The following PIK3C2G variants were observed in gnomAD, a reference collection of about 807,000 sequenced individuals.
PIK3C2G encodes the protein phosphatidylinositol-4-phosphate 3-kinase catalytic subunit type 2 gamma, also known as phosphatidylinositol 3-kinase C2 domain-containing subunit gamma.
In PIK3C2G, 168 loss-of-function variants were observed where a neutral mutation model predicts 181.1. The ratio of observed to expected loss-of-function variants is 0.93; its 90% confidence interval spans 0.82 to 1.05. The LOEUF is 1.05. PIK3C2G is among the 50% of genes least tolerant of loss of function. The pLI is 0.00. For synonymous variants in PIK3C2G, 573 were observed against 592.2 expected, an observed-to-expected ratio of 0.97 and a Z score of 0.47; for missense variants, 1,869 against 1,732.8, an observed-to-expected ratio of 1.08 and a Z score of -1.40.
intron 24 of PIK3C2G, among the ~76,000 whole-genome samples, chr12:18,527,593 CT>C (rs1807147703): frequency 6.6e-6 from 1 of 152,066 alleles, no homozygotes; most frequent in Non-Finnish European, 1.5e-5. Context: ...TAGACTACTT[CT>C]GTTTCAAGTA....
chr12:18,320,857 A>G (rs1951078546), intron 6 of PIK3C2G, 105 bp from the exon 7 acceptor site: 2 of 676,558 alleles, frequency 3.0e-6, no homozygotes, highest in Non-Finnish European at 2.6e-6. Context: ...AATGAGGTTT[A>G]TCAAAATAGG....
chr12:18,293,868 T>C (rs755813469), intron 4 of PIK3C2G, 33 bp from the exon 5 acceptor site: 3 of 1,060,930 alleles, frequency 2.8e-6, no homozygotes, highest in African/African-American at 1.6e-5. Flanking sequence ...TGATACACTT[T>C]TATTGACTTT....
intron 1 of PIK3C2G, among the ~76,000 whole-genome samples, chr12:18,278,214 A>C (rs1949066622): frequency 6.6e-6 from 1 of 152,186 alleles, no homozygotes; most frequent in Admixed American, 6.5e-5. Context: ...CACTGTACTA[A>C]GATCAAGATT....
chr12:18,332,654 T>C (rs1938098593), intron 8 of PIK3C2G, among the ~76,000 whole-genome samples: 1 of 152,108 alleles, frequency 6.6e-6, no homozygotes, highest in East Asian at 1.9e-4. Flanking sequence ...GAGCTTCTCA[T>C]CTATGTCCTA....
rs142995636 is a variant in PIK3C2G at position 18,380,322 on chromosome 12, G to T, written c.1881-1444G>T. Among the ~76,000 whole-genome samples the T allele has an allele frequency of 5.6e-3, 846 of 152,204 alleles. 6 individuals are homozygous for T. Among genetic ancestry groups the T allele is most frequent in the African/African-American group, 0.02 (814 of 41,522 alleles). The stretch of plus-strand genomic sequence containing the variant: ...CACATCCTCCTCCCTCCTCACCTCT[G>T]TTGACTCTGTCCCATGCACAGAAAC... On this transcript the variant is annotated intron_variant, in intron 13 of 32. Transcript: ENST00000538779.
At chr12:18,523,626 G>A (rs1943050523) in intron 24 of PIK3C2G, among the ~76,000 whole-genome samples, 1 of 152,188 alleles carries the variant, frequency 6.6e-6, no homozygotes. Context: ...ATGGGTAACT[G>A]CTAATCTGCA....
intron 14 of PIK3C2G, among the ~76,000 whole-genome samples, chr12:18,385,677 T>C (rs1165958092): frequency 2.0e-5 from 3 of 152,076 alleles, no homozygotes; most frequent in Admixed American, 6.6e-5. Flanking sequence ...CAAGCAATTC[T>C]CCTGCCTCAG....
Position 18,635,301 on chromosome 12 carries a change from A to G in PIK3C2G, c.4183-5128A>G, listed in dbSNP as rs527282734. Among the ~76,000 whole-genome samples the G allele has an allele frequency of 2.6e-5, 4 of 152,320 alleles. No individual in the cohort carries two copies. The South Asian group carries it at 8.3e-4, about 32-fold the overall frequency. On this transcript the variant is annotated intron_variant, in intron 31 of 32. Coordinates refer to ENST00000538779, the MANE Select transcript of PIK3C2G (RefSeq NM_001288772.2). The stretch of plus-strand genomic sequence containing the variant: ...AGTCAGTGCAGCAGCAATGGAAACC[A>G]TGGGAACTTGGGCCACTTCTTCATG...
intron 29 of PIK3C2G, among the ~76,000 whole-genome samples, chr12:18,571,358 G>T (rs2136376195): frequency 6.6e-6 from 1 of 150,740 alleles, no homozygotes; most frequent in African/African-American, 2.5e-5. Flanking sequence ...GCACCCTGTA[G>T]TTGTGAGATG....
At chr12:18,413,241 T>A (rs1287701370) in intron 16 of PIK3C2G, among the ~76,000 whole-genome samples, 1 of 152,166 alleles carries the variant, frequency 6.6e-6, no homozygotes, top group East Asian at 1.9e-4. Flanking sequence ...AGAGACTCAA[T>A]TGTTAGCTCA....
chr12:18,335,932 A>AT lies in PIK3C2G; in HGVS notation c.1273-2492dup, dbSNP rs1156548959. The stretch of plus-strand genomic sequence containing the variant: ...ACCTAGTGACCCAAGTCAACCCAGT[A>AT]TTAGTATTTCAATTAGTGATGTTTA... On this transcript the variant is annotated intron_variant, in intron 8 of 32. Coordinates refer to ENST00000538779, the MANE Select transcript of PIK3C2G (RefSeq NM_001288772.2). Among the ~76,000 whole-genome samples, 7 of 152,276 alleles carry AT rather than the reference A, an allele frequency of 4.6e-5. No individual in the cohort carries two copies. In the South Asian group the frequency reaches 1.5e-3, roughly 32 times the overall value.
In PIK3C2G at chr12:18,365,258, C is replaced by G. The variant is rs755810952; in HGVS notation, c.1748+2372C>G. Among the ~76,000 whole-genome samples, 16 of 152,282 alleles carry G rather than the reference C, an allele frequency of 1.1e-4. No homozygotes were observed. The Middle Eastern group carries it at 0.01, about 97-fold the overall frequency. Reference sequence around the variant, plus strand: ...GTATTTACATCCCATGAATAGTATTCAAGTTTTAACTTAAGAAATAAAATA... The same window carrying G: ...GTATTTACATCCCATGAATAGTATTGAAGTTTTAACTTAAGAAATAAAATA... On this transcript the variant is annotated intron_variant, in intron 12 of 32. Transcript: ENST00000538779.
At chr12:18,701,314 TAAGAA>T in the PIK3C2G span, among the ~76,000 whole-genome samples, 1 of 152,172 alleles carries the variant, frequency 6.6e-6, no homozygotes, top group East Asian at 1.9e-4. Context: ...GCAGCTAACA[TAAGAA>T]AAGAGGCAAT....
At chr12:18,340,111 G>T (rs747653506) in intron 9 of PIK3C2G, among the ~76,000 whole-genome samples, 2 of 151,922 alleles carry the variant, frequency 1.3e-5, no homozygotes, top group Admixed American at 6.6e-5. Flanking sequence ...TAACAACAAG[G>T]TAAAACAATC....
intron 5 of PIK3C2G, among the ~76,000 whole-genome samples, chr12:18,309,879 T>C (rs1950569051): frequency 6.6e-6 from 1 of 151,778 alleles, no homozygotes; most frequent in Non-Finnish European, 1.5e-5. Flanking sequence ...GCCCACGCAC[T>C]TTTGCTTCTG....
intron 31 of PIK3C2G, among the ~76,000 whole-genome samples, chr12:18,639,706 G>A (rs1166379698): frequency 6.6e-6 from 1 of 152,112 alleles, no homozygotes; most frequent in Non-Finnish European, 1.5e-5. Context: ...GTGGAAACAA[G>A]TTCTGAAGCC....
chr12:18,696,023 T>A, the PIK3C2G span: 1 of 578,748 alleles, frequency 1.7e-6, no homozygotes, highest in South Asian at 1.8e-5. Flanking sequence ...CATTAGTGCC[T>A]GACCCCAAAG....
intron 18 of PIK3C2G, among the ~76,000 whole-genome samples, chr12:18,434,916 TG>T (rs1205314917): frequency 2.6e-5 from 4 of 152,028 alleles, no homozygotes; most frequent in Non-Finnish European, 4.4e-5. Flanking sequence ...CCTCTAAAAA[TG>T]TCTTTGACTT....
Position 18,321,180 on chromosome 12 carries a change from A to G in PIK3C2G, c.1208+148A>G, listed in dbSNP as rs1951092753. On this transcript the variant is annotated intron_variant, in intron 7 of 32. Coordinates refer to ENST00000538779, the MANE Select transcript of PIK3C2G (RefSeq NM_001288772.2). The stretch of plus-strand genomic sequence containing the variant: ...TTTTAACAGGCAAATTCTGTTAATA[A>G]TTATCCATTCTTCAAAGTTATTCAG... 7.1e-6 allele frequency: 4 copies of G among 559,582 alleles called. No individual in the cohort carries two copies. In the African/African-American group the frequency reaches 7.7e-5, roughly 11 times the overall value. 34.7% of individuals were successfully genotyped at this position (559,582 alleles called of 1,614,324 possible). A position where few individuals can be genotyped will look rare whatever the true frequency, so the allele number is the denominator to read the frequency against.
Sources: gnomAD v4.1 joint callset for allele counts (sites outside exome capture counted in the v4.1 genomes callset) on GRCh38, gnomAD v4.1.1 for gene constraint, MANE v1.5 for transcripts, NCBI Gene and HGNC (gene_info 2026-07-23, HGNC 2026-07-21) for gene names.